Variants in PATJ observed in about 807,000 individuals in gnomAD.
PATJ encodes the protein inaD-like protein.
A neutral mutation model predicts 224.9 loss-of-function variants in PATJ; 190 were observed. The ratio of observed to expected loss-of-function variants is 0.84; its 90% CI spans 0.75 to 0.95. The LOEUF is 0.95. Ranked by LOEUF, PATJ falls within the 40% of genes least tolerant of loss-of-function variation. The pLI, the probability that PATJ is intolerant of heterozygous loss-of-function variation, is 0.00. For missense variants in PATJ, 2,121 were observed against 2,270.3 expected, an observed-to-expected ratio of 0.93 and a Z score of 1.34; for synonymous variants, 769 against 820.3, an observed-to-expected ratio of 0.94 and a Z score of 1.07.
At chr1:62,091,054 T>G (rs1024194885) in intron 33 of PATJ, among the ~76,000 whole-genome samples, 2 of 152,240 alleles carry the variant, frequency 1.3e-5, no homozygotes, top group Non-Finnish European at 2.9e-5. Context: ...GGAGAAAGAA[T>G]GAGAATGCAG....
chr1:62,074,933 C>G (rs1157246439), intron 31 of PATJ, among the ~76,000 whole-genome samples: 2 of 152,188 alleles, frequency 1.3e-5, no homozygotes, highest in African/African-American at 2.4e-5. Flanking sequence ...CACTGCACTC[C>G]AGCCTGGATG....
intron 7 of PATJ, among the ~76,000 whole-genome samples, chr1:61,785,779 A>G (rs1314582151): frequency 6.6e-6 from 1 of 152,148 alleles, no homozygotes; most frequent in Non-Finnish European, 1.5e-5. Context: ...TTGATAAATT[A>G]TTATTTACCT....
chr1:62,116,599 A>G lies in PATJ; in HGVS notation c.4723A>G (p.Ile1575Val), dbSNP rs886337306. The G allele has an allele frequency of 6.2e-7, 1 of 1,613,980 alleles. No individual in the cohort carries two copies. The highest frequency in any genetic ancestry group is 1.3e-5 in the African/African-American group (1 of 74,922). The change falls in exon 36 of 44, where the codon ATT becomes GTT. Residue 1575 changes from isoleucine to valine, a missense_variant. Physicochemically the swap from Ile to Val is conservative, Grantham distance 29 (BLOSUM62 3). Coordinates refer to ENST00000642238, the MANE Select transcript of PATJ (RefSeq NM_001350145.3). ...GGAADLDGRL[I>V]QGDQILSVNG... ...AGCCGCAGACCTGGATGGGAGATTG[A>G]TTCAGGGAGATCAGATCTTATCTGT...
intron 29 of PATJ, among the ~76,000 whole-genome samples, chr1:62,026,110 A>G (rs1558058680): frequency 6.6e-6 from 1 of 152,210 alleles, no homozygotes; most frequent in Non-Finnish European, 1.5e-5. Context: ...TCCACTGTCA[A>G]TGGACTTTTA....
At chr1:62,071,064 A>G (rs1657309001) in intron 31 of PATJ, among the ~76,000 whole-genome samples, 1 of 152,188 alleles carries the variant, frequency 6.6e-6, no homozygotes, top group African/African-American at 2.4e-5. Context: ...GTCAGATTCA[A>G]TTAAAAGCAA....
chr1:62,121,319 CA>C (rs1665017394), intron 38 of PATJ, 24 bp downstream of exon 38: 5 of 1,282,958 alleles, frequency 3.9e-6, no homozygotes, highest in Middle Eastern at 1.8e-4. Flanking sequence ...ACACCCAGAG[CA>C]AAACTATCCT....
chr1:61,847,228 G>T (rs796627557), intron 17 of PATJ, among the ~76,000 whole-genome samples: 1 of 152,134 alleles, frequency 6.6e-6, no homozygotes, highest in Non-Finnish European at 1.5e-5. Context: ...TAAAATATTG[G>T]GGTGCTTAAA....
At chr1:61,994,701 C>T (rs1645258267) in intron 28 of PATJ, among the ~76,000 whole-genome samples, 2 of 152,074 alleles carry the variant, frequency 1.3e-5, no homozygotes, top group African/African-American at 4.8e-5. Context: ...ATTACAGGTG[C>T]ATGCCACCAC....
Position 62,086,694 on chromosome 1 carries a change from C to T in PATJ, c.4377+2046C>T, listed in dbSNP as rs139043917. 1.3e-5 allele frequency among the ~76,000 whole-genome samples: 2 copies of T among 152,254 alleles called. No homozygotes were observed. Among genetic ancestry groups the T allele is most frequent in the East Asian group, 1.9e-4 (1 of 5,178 alleles). On this transcript the variant is annotated intron_variant, in intron 33 of 43. Coordinates refer to ENST00000642238, the MANE Select transcript of PATJ (RefSeq NM_001350145.3). The surrounding 1 kb of genome is among the most constrained non-coding windows in gnomAD (Gnocchi z 4.0). ...CCTAAAGCACTAGGAAACTCAAGAA[C>T]AGCATAGGCGATAGAAACCAGGGTC...
intron 28 of PATJ, among the ~76,000 whole-genome samples, chr1:61,994,042 T>A (rs1362233116): frequency 6.6e-6 from 1 of 152,132 alleles, no homozygotes; most frequent in Non-Finnish European, 1.5e-5. Flanking sequence ...CCACAAAGAT[T>A]CTCTAGTTTA....
At chr1:61,745,907 AT>A (rs1188809909) in intron 1 of PATJ, among the ~76,000 whole-genome samples, 3 of 150,742 alleles carry the variant, frequency 2.0e-5, no homozygotes, top group African/African-American at 7.3e-5. Flanking sequence ...CCTGGCAATT[AT>A]TTTTTTTTTT....
intron 38 of PATJ, among the ~76,000 whole-genome samples, chr1:62,122,419 A>G (rs893175815): frequency 2.0e-5 from 3 of 151,666 alleles, no homozygotes; most frequent in African/African-American, 7.3e-5. Context: ...TCATCCTCCA[A>G]GCATTTACTC....
In PATJ at chr1:61,757,297, C is replaced by T. The variant is rs569183004; in HGVS notation, c.-35-5561C>T. On this transcript the variant is annotated intron_variant, in intron 1 of 43. Coordinates refer to ENST00000642238, the MANE Select transcript of PATJ (RefSeq NM_001350145.3). Reference sequence around the variant, plus strand: ...ATGTTGTCCAGGCTGGTCTTGAAATCCTGGGCTCAAGCAATTCTTGAACCT... The same window carrying T: ...ATGTTGTCCAGGCTGGTCTTGAAATTCTGGGCTCAAGCAATTCTTGAACCT... 5.9e-5 allele frequency among the ~76,000 whole-genome samples: 9 copies of T among 152,128 alleles called. No individual in the cohort carries two copies. The South Asian group carries it at 1.9e-3, about 32-fold the overall frequency.
chr1:61,841,178 C>A (rs1460562928), intron 17 of PATJ, among the ~76,000 whole-genome samples: 2 of 151,958 alleles, frequency 1.3e-5, no homozygotes, highest in Admixed American at 6.6e-5. Context: ...TTATTTATTT[C>A]TTCTTCCACA....
At chr1:61,748,246 CTT>C (rs35918825) in intron 1 of PATJ, among the ~76,000 whole-genome samples, 3 of 65,136 alleles carry the variant, frequency 4.6e-5, no homozygotes, top group African/African-American at 1.3e-4. Flanking sequence ...GCCTTAATGC[CTT>C]TTTTTTTTTT....
intron 1 of PATJ, among the ~76,000 whole-genome samples, chr1:61,747,137 G>A (rs942699007): frequency 6.6e-6 from 1 of 152,192 alleles, no homozygotes; most frequent in Non-Finnish European, 1.5e-5. Context: ...AACTTGGTAA[G>A]TTTTTTGAGA....
chr1:62,131,013 TTTAAG>T (rs1284627506), intron 41 of PATJ, among the ~76,000 whole-genome samples: 7 of 152,186 alleles, frequency 4.6e-5, no homozygotes, highest in Non-Finnish European at 8.8e-5. Flanking sequence ...CACACTAGTC[TTTAAG>T]TTAAAATTTT....
intron 7 of PATJ, among the ~76,000 whole-genome samples, chr1:61,786,576 A>G (rs1160677252): frequency 9.2e-5 from 14 of 152,120 alleles, no homozygotes; most frequent in Non-Finnish European, 1.5e-5. Context: ...TGTAGTCTGC[A>G]TCTCAGTTCA....
chr1:62,153,966 T>C (rs1292055044), intron 43 of PATJ, among the ~76,000 whole-genome samples: 3 of 152,158 alleles, frequency 2.0e-5, no homozygotes, highest in African/African-American at 7.2e-5. Flanking sequence ...TGCAATGGCT[T>C]GATCTCAGCT....
Sources: allele counts gnomAD v4.1 joint callset (sites outside exome capture counted in the v4.1 genomes callset), GRCh38; gene constraint gnomAD v4.1.1; non-coding constraint Gnocchi (gnomAD v3.1); transcripts MANE v1.5; gene names NCBI Gene and HGNC (gene_info 2026-07-23, HGNC 2026-07-21).